The following DCT variants were observed in gnomAD, a reference collection of about 807,000 sequenced individuals.
DCT encodes the protein dopachrome tautomerase.
Under a neutral mutation model 53.0 loss-of-function variants are expected in DCT, and 47 were observed. The observed-to-expected ratio is 0.89, with a 90% CI of 0.70 to 1.13. DCT has a LOEUF of 1.13. Ranked by LOEUF, DCT falls within the 50% of genes most tolerant of loss-of-function variation. The pLI is 0.00. For synonymous variants in DCT, 244 were observed against 237.0 expected, an observed-to-expected ratio of 1.03 and a Z score of -0.27; for missense variants, 669 against 637.4, an observed-to-expected ratio of 1.05 and a Z score of -0.53.
chr13:94,458,636 T>C (rs753368551), intron 6 of DCT, among the ~76,000 whole-genome samples: 4 of 151,970 alleles, frequency 2.6e-5, no homozygotes, highest in Non-Finnish European at 5.9e-5. Flanking sequence ...ACCTTGTCTC[T>C]AGTAAAAATA....
intron 4 of DCT, among the ~76,000 whole-genome samples, chr13:94,464,044 C>A (rs1206758275): frequency 6.6e-6 from 1 of 152,244 alleles, no homozygotes; most frequent in African/African-American, 2.4e-5. Flanking sequence ...AATCTCTTTT[C>A]ACATACCATC....
the DCT span, among the ~76,000 whole-genome samples, chr13:94,539,112 A>G: frequency 4.6e-5 from 7 of 152,326 alleles, no homozygotes; most frequent in Admixed American, 1.3e-4. Context: ...CTTTGTTACT[A>G]GAACATGAAA....
At chr13:94,518,242 A>C in the DCT span, among the ~76,000 whole-genome samples, 1 of 152,168 alleles carries the variant, frequency 6.6e-6, no homozygotes, top group Non-Finnish European at 1.5e-5. Flanking sequence ...GTTAAAAAAA[A>C]ACAATTATAC....
intron 4 of DCT, among the ~76,000 whole-genome samples, chr13:94,462,861 C>T (rs1203581772): frequency 6.6e-6 from 1 of 152,102 alleles, no homozygotes; most frequent in African/African-American, 2.4e-5. Context: ...TGAGCTAAGC[C>T]AGTTTTGGCA....
rs184518589 is a variant in DCT at position 94,444,317 on chromosome 13, A to G, written c.1180-680T>C. On this transcript the variant is annotated intron_variant, in intron 6 of 7. Coordinates refer to ENST00000377028, the MANE Select transcript of DCT (RefSeq NM_001922.5). Reference sequence around the variant, plus strand: ...AAGCATTTCAGATAAGTGATACTCAATCTGTATCAATATTATAATATAAAG... The same window carrying G: ...AAGCATTTCAGATAAGTGATACTCAGTCTGTATCAATATTATAATATAAAG... 591 of 472,190 alleles carry G rather than the reference A, an allele frequency of 1.3e-3. 5 individuals are homozygous for G. Among genetic ancestry groups the G allele is most frequent in the South Asian group, 2.2e-3 (139 of 64,094 alleles). The allele number at this position is 472,190 out of a possible 1,614,324, so 29.3% of individuals were successfully genotyped here. A position where few individuals can be genotyped will look rare whatever the true frequency, so the allele number is the denominator to read the frequency against.
At chr13:94,467,388 G>A (rs1884290818) in intron 2 of DCT, 1 of 152,134 alleles carries the variant, frequency 6.6e-6, no homozygotes, top group Non-Finnish European at 1.5e-5. Context: ...TTTAGTTCTT[G>A]TCCAAAATAC....
At chr13:94,505,802 G>C in the DCT span, among the ~76,000 whole-genome samples, 1 of 152,202 alleles carries the variant, frequency 6.6e-6, no homozygotes, top group East Asian at 1.9e-4. Context: ...TTGTTGAAGA[G>C]ACCCACGTGG....
chr13:94,534,811 G>A, the DCT span, among the ~76,000 whole-genome samples: 1 of 152,210 alleles, frequency 6.6e-6, no homozygotes. Flanking sequence ...TTGAATGCAG[G>A]AGGAAAATTT....
At chr13:94,491,990 T>C in the DCT span, among the ~76,000 whole-genome samples, 1 of 152,216 alleles carries the variant, frequency 6.6e-6, no homozygotes, top group Non-Finnish European at 1.5e-5. Flanking sequence ...TTCATGACCA[T>C]GGAGCCTCAG....
At chr13:94,452,364 T>C (rs1883151887) in intron 6 of DCT, among the ~76,000 whole-genome samples, 1 of 152,132 alleles carries the variant, frequency 6.6e-6, no homozygotes, top group Admixed American at 6.5e-5. Flanking sequence ...GAAATGCAAA[T>C]TAAAATTTGC....
intron 1 of DCT, among the ~76,000 whole-genome samples, chr13:94,477,931 C>T (rs1431683429): frequency 1.3e-5 from 2 of 152,060 alleles, no homozygotes; most frequent in African/African-American, 4.8e-5. Context: ...TGTTTATTCC[C>T]GAAGGGCATA....
the DCT span, among the ~76,000 whole-genome samples, chr13:94,514,212 G>A: frequency 2.0e-5 from 3 of 152,020 alleles, no homozygotes; most frequent in Non-Finnish European, 2.9e-5. Context: ...AATGAAATAC[G>A]GAAAGAGCAC....
chr13:94,472,542 A>T (rs1196878753), intron 1 of DCT, among the ~76,000 whole-genome samples: 1 of 32,366 alleles, frequency 3.1e-5, no homozygotes, highest in Non-Finnish European at 5.4e-5. Flanking sequence ...ATATATATAT[A>T]TATATATATA....
the DCT span, among the ~76,000 whole-genome samples, chr13:94,515,179 CTG>C: frequency 6.6e-6 from 1 of 152,184 alleles, no homozygotes; most frequent in Non-Finnish European, 1.5e-5. Context: ...GCCTCCAAAA[CTG>C]TAAGAAATAA....
rs770446816 is a variant in DCT, at chr13:94,445,748, T to C, written c.1180-2111A>G. On this transcript the variant is annotated intron_variant, in intron 6 of 7. Coordinates refer to ENST00000377028, the MANE Select transcript of DCT (RefSeq NM_001922.5). ...ACATGCAGGGAAGGGAGTTCCTTGGTCGCTTTCTCTTTTCTGTTGAGACAC... is the reference window on the plus strand; with the variant it reads ...ACATGCAGGGAAGGGAGTTCCTTGGCCGCTTTCTCTTTTCTGTTGAGACAC... The C allele has an allele frequency of 2.5e-5, 39 of 1,585,026 alleles. No homozygotes were observed. The highest frequency in any genetic ancestry group is 3.3e-5 in the Non-Finnish European group (38 of 1,164,106).
intron 1 of DCT, among the ~76,000 whole-genome samples, chr13:94,478,626 A>G (rs1222284677): frequency 6.6e-6 from 1 of 152,276 alleles, no homozygotes; most frequent in Non-Finnish European, 1.5e-5. Flanking sequence ...CACCGAATCC[A>G]TCTTGAAAGG....
chr13:94,441,337 T>A (rs78260797), intron 7 of DCT, among the ~76,000 whole-genome samples: 3,513 of 152,346 alleles, frequency 0.023, 60 homozygotes, highest in East Asian at 0.11. Context: ...TTTAAAAAAT[T>A]ATGTTTTAGA....
the DCT span, among the ~76,000 whole-genome samples, chr13:94,537,268 T>C: frequency 6.6e-6 from 1 of 152,240 alleles, no homozygotes; most frequent in African/African-American, 2.4e-5. Flanking sequence ...CTGAAAGGTT[T>C]CCCAAATCTC....
At chr13:94,476,251 CAATATTTATA>C (rs1363560043) in intron 1 of DCT, among the ~76,000 whole-genome samples, 3 of 128,340 alleles carry the variant, frequency 2.3e-5, no homozygotes, top group Non-Finnish European at 4.7e-5. Flanking sequence ...ACTTCTAGAG[CAATATTTATA>C]AACATTTCCT....
Sources: allele counts gnomAD v4.1 joint callset (sites outside exome capture counted in the v4.1 genomes callset), GRCh38; gene constraint gnomAD v4.1.1; transcripts MANE v1.5; gene names NCBI Gene and HGNC (gene_info 2026-07-23, HGNC 2026-07-21).